Variants in LRRC37A2 observed in about 807,000 individuals in gnomAD.
LRRC37A2 encodes leucine-rich repeat-containing protein 37A2.
In LRRC37A2, 9 loss-of-function variants were observed where a neutral mutation model predicts 68.8. The observed-to-expected ratio is 0.13, with a 90% CI of 0.08 to 0.23. LRRC37A2 has a LOEUF of 0.23. Ranked by LOEUF, LRRC37A2 falls within the 10% of genes least tolerant of loss-of-function variation. LRRC37A2 has a pLI of 1.00. For synonymous variants in LRRC37A2, 63 were observed against 367.6 expected (o/e 0.17, Z 9.48); for missense variants, 168 against 950.4 (o/e 0.18, Z 10.82).
the LRRC37A2 span, among the ~76,000 whole-genome samples, chr17:46,850,469 C>T: frequency 6.6e-6 from 1 of 152,280 alleles, no homozygotes; most frequent in African/African-American, 2.4e-5. Flanking sequence ...CTCTCTCAGC[C>T]CCCTACCATG....
At chr17:46,500,823 A>G in the LRRC37A2 span, among the ~76,000 whole-genome samples, 3 of 151,052 alleles carry the variant, frequency 2.0e-5, no homozygotes, top group African/African-American at 7.4e-5. Context: ...AACCTATCAG[A>G]TTATAGGGAA....
the LRRC37A2 span, among the ~76,000 whole-genome samples, chr17:46,956,231 G>T: frequency 6.6e-6 from 1 of 150,664 alleles, no homozygotes; most frequent in Admixed American, 6.6e-5. Flanking sequence ...CCCCTCTGGG[G>T]TAGAAATCTC....
the LRRC37A2 span, chr17:46,940,788 A>G: frequency 6.6e-7 from 1 of 1,505,602 alleles, no homozygotes; most frequent in Non-Finnish European, 8.9e-7. Context: ...TAAAAATTGC[A>G]GAGGTGGTTT....
chr17:46,910,792 A>G, the LRRC37A2 span, among the ~76,000 whole-genome samples: 1 of 152,338 alleles, frequency 6.6e-6, no homozygotes, highest in Admixed American at 6.5e-5. Context: ...ACAGGTGTGA[A>G]AACACACAGT....
the LRRC37A2 span, among the ~76,000 whole-genome samples, chr17:46,717,804 G>A: frequency 4.6e-5 from 7 of 152,324 alleles, no homozygotes; most frequent in Non-Finnish European, 8.8e-5. Context: ...AGCGGCAAGC[G>A]AACAAGGTGA....
chr17:46,934,383 A>G, the LRRC37A2 span, among the ~76,000 whole-genome samples: 3 of 152,326 alleles, frequency 2.0e-5, no homozygotes, highest in Admixed American at 6.5e-5. Flanking sequence ...AAAGCTGGGC[A>G]TGGTAGCATG....
the LRRC37A2 span, among the ~76,000 whole-genome samples, chr17:46,954,884 G>C: frequency 1.3e-5 from 2 of 152,216 alleles, no homozygotes; most frequent in Middle Eastern, 3.2e-3. Flanking sequence ...CTGAGACTTT[G>C]CTGAAGTTGC....
the LRRC37A2 span, among the ~76,000 whole-genome samples, chr17:46,739,689 A>G: frequency 6.6e-6 from 1 of 151,720 alleles, no homozygotes; most frequent in African/African-American, 2.4e-5. Flanking sequence ...TGAATATATT[A>G]CTATATTAAT....
At chr17:46,919,952 A>C in the LRRC37A2 span, among the ~76,000 whole-genome samples, 1 of 151,664 alleles carries the variant, frequency 6.6e-6, no homozygotes, top group Non-Finnish European at 1.5e-5. Flanking sequence ...ATCTCAAAAA[A>C]AAGAAAGAAA....
At chr17:46,846,227 A>G in the LRRC37A2 span, among the ~76,000 whole-genome samples, 1 of 152,228 alleles carries the variant, frequency 6.6e-6, no homozygotes, top group Non-Finnish European at 1.5e-5. Context: ...TCTCTCATGA[A>G]CATTATAAAA....
the LRRC37A2 span, chr17:46,966,399 C>T: frequency 3.6e-6 from 2 of 562,134 alleles, no homozygotes; most frequent in African/African-American, 1.9e-5. Context: ...CCTCAGATAC[C>T]TGGTCCTTGT....
At chr17:46,722,124 T>G in the LRRC37A2 span, 3 of 1,611,806 alleles carry the variant, frequency 1.9e-6, no homozygotes, top group South Asian at 2.2e-5. Context: ...CTCGTCCGGC[T>G]TCTCGCCATT....
chr17:46,749,773 G>T, the LRRC37A2 span: 6 of 1,612,228 alleles, frequency 3.7e-6, no homozygotes, highest in African/African-American at 8.0e-5. Flanking sequence ...CTATGATCAG[G>T]GCCGCAAGCT....
the LRRC37A2 span, among the ~76,000 whole-genome samples, chr17:46,970,163 C>G: frequency 6.6e-6 from 1 of 152,144 alleles, no homozygotes; most frequent in Non-Finnish European, 1.5e-5. Flanking sequence ...GGTTCCATCC[C>G]ACGGCTGTCC....
At chr17:46,764,802 G>A in the LRRC37A2 span, among the ~76,000 whole-genome samples, 2 of 152,224 alleles carry the variant, frequency 1.3e-5, no homozygotes, top group Admixed American at 1.3e-4. Flanking sequence ...GTTGAGGGAG[G>A]TCGTATGAGT....
chr17:46,769,900 G>A, the LRRC37A2 span: 6 of 1,613,442 alleles, frequency 3.7e-6, no homozygotes, highest in Non-Finnish European at 4.2e-6. Context: ...CCTCGCTGCA[G>A]CCGCCCCACT....
chr17:46,872,717 T>C, the LRRC37A2 span: 1 of 1,599,632 alleles, frequency 6.3e-7, no homozygotes, highest in Non-Finnish European at 8.5e-7. Flanking sequence ...CAGTTTCAGT[T>C]CCGGCATGAG....
the LRRC37A2 span, among the ~76,000 whole-genome samples, chr17:46,823,206 A>ATATT: frequency 7.8e-6 from 1 of 128,290 alleles, no homozygotes; most frequent in East Asian, 2.0e-4. Context: ...ATTTATATAT[A>ATATT]ATATATTATA....
chr17:46,726,405 G>A, the LRRC37A2 span: 2 of 751,430 alleles, frequency 2.7e-6, no homozygotes, highest in Non-Finnish European at 4.6e-6. Flanking sequence ...GTGATCCAGT[G>A]TGTCAATTCT....
Sources: allele counts gnomAD v4.1 joint callset (sites outside exome capture counted in the v4.1 genomes callset), GRCh38; gene constraint gnomAD v4.1.1; transcripts MANE v1.5; gene names NCBI Gene and HGNC (gene_info 2026-07-23, HGNC 2026-07-21).